Variants in ZNF581 observed in about 807,000 individuals in gnomAD.
ZNF581 encodes zinc finger protein 581.
ZNF581 carries 1 observed loss-of-function variant against 1.2 expected under a neutral mutation model. The observed-to-expected ratio is 0.83, with a 90% CI of 0.30 to 3.95. The LOEUF (loss-of-function observed/expected upper bound fraction) is 3.95. Among genes scored for constraint, ZNF581 ranks in the 30% most tolerant of loss-of-function variants. ZNF581 has a pLI of 0.18. For missense variants in ZNF581, 273 were observed against 274.6 expected, an observed-to-expected ratio of 0.99 and a Z score of 0.04; for synonymous variants, 105 against 109.2, an observed-to-expected ratio of 0.96 and a Z score of 0.24.
At chr19:55,637,904 A>G (rs1366048555), upstream of ZNF581, among the ~76,000 whole-genome samples, 1 of 152,012 alleles carries the variant, frequency 6.6e-6, no homozygotes, top group Non-Finnish European at 1.5e-5. Context: ...GGCTCAATAA[A>G]TGTTGCTTAT....
At chr19:55,639,695 C>T (rs1369001705), upstream of ZNF581, among the ~76,000 whole-genome samples, 1 of 152,174 alleles carries the variant, frequency 6.6e-6, no homozygotes, top group Admixed American at 6.5e-5. Context: ...TGGCACACTG[C>T]AACCTCCACC....
At chr19:55,640,579 C>G, upstream of ZNF581, 2 of 985,494 alleles carry the variant, frequency 2.0e-6, no homozygotes, top group Non-Finnish European at 2.4e-6. Context: ...CGGGCCTCGG[C>G]CTCCCCATTT....
Position 55,644,678 on chromosome 19 carries a change from C to A in ZNF581, c.107C>A (p.Ser36Tyr), listed in dbSNP as rs1053723694. Reference sequence around the variant, plus strand: ...TGCCGCTCCCCAGAACCTGGACCTTCCTCCTCCATCGGATCTCCCCAGGCT... The same window carrying A: ...TGCCGCTCCCCAGAACCTGGACCTTACTCCTCCATCGGATCTCCCCAGGCT... ...RTCRSPEPGP[S>Y]SSIGSPQASS... The change falls in exon 2 of 2, where the codon TCC becomes TAC. Residue 36 changes from serine to tyrosine, a missense_variant. By Grantham distance (144) the Ser-to-Tyr change is moderately radical (BLOSUM62 -2). Coordinates refer to ENST00000270451, the MANE Select transcript of ZNF581 (RefSeq NM_016535.4). This position sits in a 1 kb window ranked among gnomAD's most constrained non-coding sequence, Gnocchi z 4.3. The A allele has an allele frequency of 6.2e-7, 1 of 1,613,242 alleles. No individual in the cohort carries two copies. The highest frequency in any genetic ancestry group is 8.5e-7 in the Non-Finnish European group (1 of 1,179,612).
upstream of ZNF581, among the ~76,000 whole-genome samples, chr19:55,637,309 G>T (rs924496719): frequency 6.6e-6 from 1 of 152,194 alleles, no homozygotes; most frequent in Admixed American, 6.5e-5. Context: ...GCTGAGGCAG[G>T]CGGATCGCTT....
At chr19:55,641,193 C>G (rs1340044175), upstream of ZNF581, 3 of 985,020 alleles carry the variant, frequency 3.0e-6, no homozygotes, top group Non-Finnish European at 2.4e-6. Context: ...GGTACGGGGG[C>G]CGGGATGGAG....
upstream of ZNF581, among the ~76,000 whole-genome samples, chr19:55,639,006 CAAAA>C (rs753198174): frequency 5.7e-5 from 5 of 88,200 alleles, no homozygotes; most frequent in Non-Finnish European, 6.0e-5. Context: ...ACTCCATCTC[CAAAA>C]AAAAAAAAAA....
At position 55,645,454 on chromosome 19, in the gene ZNF581, T is replaced by C. The variant is rs1011981617; in HGVS notation, c.*289T>C. Reference sequence around the variant, plus strand: ...GCCTTGACTGGATGGAGGTGGGGAGTGTGGTGTGTAAAGTCTCTGGCCTCA... The same window carrying C: ...GCCTTGACTGGATGGAGGTGGGGAGCGTGGTGTGTAAAGTCTCTGGCCTCA... On this transcript the variant is annotated 3_prime_UTR_variant, in exon 2 of 2. Transcript: ENST00000270451. 1 of 328,938 alleles carries C rather than the reference T, an allele frequency of 3.0e-6. No homozygotes were observed. The highest frequency in any genetic ancestry group is 5.8e-6 in the Non-Finnish European group (1 of 171,540). The allele number at this position is 328,938 out of a possible 1,614,324, so 20.4% of individuals were successfully genotyped here.
chr19:55,638,281 C>G (rs1246712519), upstream of ZNF581, among the ~76,000 whole-genome samples: 1 of 152,096 alleles, frequency 6.6e-6, no homozygotes, highest in Non-Finnish European at 1.5e-5. Flanking sequence ...GCTCTGTTGC[C>G]AGGCTGGAGT....
At chr19:55,643,128 G>A, upstream of ZNF581, 2 of 1,292,212 alleles carry the variant, frequency 1.5e-6, no homozygotes, top group Non-Finnish European at 2.0e-6. Flanking sequence ...CTCTGCTGAG[G>A]TTACTGCCTT....
Position 55,644,820 on chromosome 19 carries a change from GA to G in ZNF581, c.254del (p.Lys85SerfsTer28). The stretch of plus-strand genomic sequence containing the variant: ...CAGGGGCCAGTGGGGCTCCAGGCCA[GA>G]AAAAGTGCTACAGCTGCCCCGTGTG... Reference protein sequence around the residue: ...EPGASGAPGQKKCYSCPVCSR... With the variant: ...EPGASGAPGQXKCYSCPVCSR... On this transcript the variant is annotated frameshift_variant, in exon 2 of 2. Transcript: ENST00000270451. LOFTEE classifies it low-confidence loss of function (END_TRUNC). The surrounding 1 kb of genome is among the most constrained non-coding windows in gnomAD (Gnocchi z 4.3). The G allele has an allele frequency of 6.2e-7, 1 of 1,612,540 alleles. No homozygotes were observed. The highest frequency in any genetic ancestry group is 8.5e-7 in the Non-Finnish European group (1 of 1,178,638).
upstream of ZNF581, among the ~76,000 whole-genome samples, chr19:55,638,038 A>C (rs963295361): frequency 6.6e-6 from 1 of 152,192 alleles, no homozygotes; most frequent in Non-Finnish European, 1.5e-5. Flanking sequence ...CTATGAGTGA[A>C]TACCTGAGGC....
upstream of ZNF581, chr19:55,640,766 C>G: frequency 1.0e-6 from 1 of 985,512 alleles, no homozygotes; most frequent in Non-Finnish European, 1.2e-6. Flanking sequence ...CCTTGTGGGC[C>G]TTAGGGCGAA....
At chr19:55,635,069 G>A (rs1472098771), upstream of ZNF581, 1 of 152,216 alleles carries the variant, frequency 6.6e-6, no homozygotes, top group African/African-American at 2.4e-5. Flanking sequence ...GGATTGCGGG[G>A]AGTGAGCAGG....
At chr19:55,635,610 G>C in exon 1 of ZNF581, 4 of 935,690 alleles carry the variant, frequency 4.3e-6, no homozygotes, top group Non-Finnish European at 5.1e-6. Flanking sequence ...TGAATATGCA[G>C]TGTGAACTGA....
At chr19:55,643,167 A>G, upstream of ZNF581, 2 of 1,236,304 alleles carry the variant, frequency 1.6e-6, no homozygotes, top group Non-Finnish European at 2.1e-6. Context: ...CCCACCTTCC[A>G]AAGGGAGGAG....
Position 55,645,325 on chromosome 19 carries a change from G to A in ZNF581, c.*160G>A, listed in dbSNP as rs532321100. ...AGAGCCCTGCCTGAAGGAGGAATCC[G>A]TGAGTAATCTTCAGGTCCTCCGTGT... On this transcript the variant is annotated 3_prime_UTR_variant, in exon 2 of 2. Transcript: ENST00000270451. 1.2e-5 allele frequency: 7 copies of A among 583,954 alleles called. No homozygotes were observed. The highest frequency in any genetic ancestry group is 3.1e-5 in the East Asian group (1 of 32,588). 36.2% of individuals were successfully genotyped at this position (583,954 alleles called of 1,614,324 possible).
At chr19:55,643,380 A>C, upstream of ZNF581, 4 of 264,804 alleles carry the variant, frequency 1.5e-5, no homozygotes, top group South Asian at 1.7e-4. Flanking sequence ...AGAGATGATA[A>C]AGAGCACGGG....
upstream of ZNF581, chr19:55,643,181 C>T (rs1982640471): frequency 1.7e-6 from 2 of 1,197,468 alleles, no homozygotes; most frequent in Non-Finnish European, 2.1e-6. Flanking sequence ...GGAGGAGCAT[C>T]ATTCCTTCCT....
At chr19:55,640,574 C>T (rs1432127422), upstream of ZNF581, 17 of 985,382 alleles carry the variant, frequency 1.7e-5, no homozygotes, top group African/African-American at 8.7e-5. Context: ...TTCTCCGGGC[C>T]TCGGCCTCCC....
Sources: gnomAD v4.1 joint callset for allele counts (sites outside exome capture counted in the v4.1 genomes callset) on GRCh38, gnomAD v4.1.1 for gene constraint, Gnocchi (gnomAD v3.1) non-coding constraint, MANE v1.5 for transcripts, NCBI Gene and HGNC (gene_info 2026-07-23, HGNC 2026-07-21) for gene names.